The following SOX6 variants were observed in gnomAD, a reference collection of about 807,000 sequenced individuals.
SOX6 encodes the protein SRY-box transcription factor 6.
Under a neutral mutation model 97.8 loss-of-function variants are expected in SOX6, and 11 were observed. The observed-to-expected ratio is 0.11, with a 90% confidence interval of 0.07 to 0.19. The LOEUF (loss-of-function observed/expected upper bound fraction) is 0.19. Among genes scored for constraint, SOX6 ranks in the 10% least tolerant of loss-of-function variants. The pLI is 1.00. For missense variants in SOX6, 810 were observed against 1,039.5 expected, an observed-to-expected ratio of 0.78 and a Z score of 3.04; for synonymous variants, 360 against 371.4, an observed-to-expected ratio of 0.97 and a Z score of 0.35.
At chr11:16,334,659 C>T (rs1856405226) in intron 2 of SOX6, among the ~76,000 whole-genome samples, 1 of 152,018 alleles carries the variant, frequency 6.6e-6, no homozygotes, top group Non-Finnish European at 1.5e-5. Context: ...AACTCCTGAC[C>T]TCAAGTGATC....
intron 4 of SOX6, among the ~76,000 whole-genome samples, chr11:16,582,830 A>G (rs1051552780): frequency 1.3e-5 from 2 of 152,108 alleles, no homozygotes; most frequent in African/African-American, 4.8e-5. Context: ...AAAAAGTATG[A>G]AGATCAAATG....
intron 1 of SOX6, among the ~76,000 whole-genome samples, chr11:16,389,969 TAA>T (rs536056301): frequency 8.4e-4 from 35 of 41,848 alleles, no homozygotes; most frequent in Middle Eastern, 0.018. Flanking sequence ...GACTCCGTCT[TAA>T]AAAAAAAAAA....
intron 1 of SOX6, chr11:16,402,886 G>C (rs1428784272): frequency 6.6e-7 from 1 of 1,509,620 alleles, no homozygotes; most frequent in Non-Finnish European, 9.0e-7. Flanking sequence ...ACTCAGTTGG[G>C]CTGAATTCCA....
At chr11:16,426,713 G>A (rs1055548015) in intron 1 of SOX6, among the ~76,000 whole-genome samples, 7 of 151,672 alleles carry the variant, frequency 4.6e-5, no homozygotes, top group Non-Finnish European at 8.8e-5. Context: ...AGGAGATCGA[G>A]ACCATCCCGG....
At chr11:16,494,561 C>T (rs1342537252) in intron 4 of SOX6, among the ~76,000 whole-genome samples, 4 of 150,166 alleles carry the variant, frequency 2.7e-5, no homozygotes, top group African/African-American at 9.8e-5. Context: ...TGACTAGAGG[C>T]ATCTGGTAGG....
At chr11:16,683,095 A>T (rs1847941394) in intron 3 of SOX6, among the ~76,000 whole-genome samples, 1 of 152,258 alleles carries the variant, frequency 6.6e-6, no homozygotes, top group Non-Finnish European at 1.5e-5. Context: ...GGACACAAAC[A>T]AATGGAAGAA....
intron 3 of SOX6, among the ~76,000 whole-genome samples, chr11:16,276,622 C>T (rs188108037): frequency 1.4e-3 from 216 of 152,264 alleles, no homozygotes; most frequent in African/African-American, 4.7e-3. Context: ...GGGCCTGCTG[C>T]GACCATCTTA....
At chr11:16,251,990 T>TA (rs1467330822) in intron 3 of SOX6, among the ~76,000 whole-genome samples, 9 of 58,322 alleles carry the variant, frequency 1.5e-4, no homozygotes, top group South Asian at 5.2e-4. Context: ...TAATTTTCTT[T>TA]TAAAAAAAAA....
intron 1 of SOX6, chr11:16,465,591 C>A (rs920449307): frequency 6.6e-6 from 1 of 152,226 alleles, no homozygotes; most frequent in South Asian, 2.1e-4. Context: ...CTATATTCTG[C>A]CCAACACAGG....
At chr11:16,524,870 T>G (rs1240724598) in intron 4 of SOX6, among the ~76,000 whole-genome samples, 2 of 152,090 alleles carry the variant, frequency 1.3e-5, no homozygotes, top group African/African-American at 2.4e-5. Flanking sequence ...ATGAGTGAAC[T>G]CCCATTCACA....
intron 7 of SOX6, among the ~76,000 whole-genome samples, chr11:16,106,695 T>C (rs566449868): frequency 6.6e-6 from 1 of 152,188 alleles, no homozygotes; most frequent in South Asian, 2.1e-4. Context: ...AATGATTTCA[T>C]TGATATAACA....
At chr11:16,346,506 C>G (rs987071138) in intron 1 of SOX6, among the ~76,000 whole-genome samples, 1 of 152,000 alleles carries the variant, frequency 6.6e-6, no homozygotes, top group Non-Finnish European at 1.5e-5. Context: ...TCGGAAGGTG[C>G]TTACTAATTA....
At chr11:16,398,901 A>T (rs564863611) in intron 1 of SOX6, among the ~76,000 whole-genome samples, 7 of 151,276 alleles carry the variant, frequency 4.6e-5, no homozygotes, top group South Asian at 2.1e-4. Flanking sequence ...TATTTTTTTT[A>T]AATTGAAATT....
chr11:16,674,334 T>C (rs1382534621), intron 3 of SOX6, among the ~76,000 whole-genome samples: 1 of 152,196 alleles, frequency 6.6e-6, no homozygotes, highest in African/African-American at 2.4e-5. Flanking sequence ...AAAAAGCATT[T>C]GATAAGATTC....
At chr11:16,283,984 AAAT>A (rs1854657559) in intron 3 of SOX6, 1 of 369,990 alleles carries the variant, frequency 2.7e-6, no homozygotes, top group Non-Finnish European at 5.2e-6. Flanking sequence ...ATCAATATTT[AAAT>A]AATGTGTTTA....
chr11:16,701,431 A>G (rs920007420), intron 3 of SOX6, among the ~76,000 whole-genome samples: 1 of 152,162 alleles, frequency 6.6e-6, no homozygotes, highest in Non-Finnish European at 1.5e-5. Flanking sequence ...TTACTATTAC[A>G]CCTATTTAAT....
At chr11:16,152,303 TG>T (rs1212958454) in intron 6 of SOX6, among the ~76,000 whole-genome samples, 1 of 152,160 alleles carries the variant, frequency 6.6e-6, no homozygotes, top group Non-Finnish European at 1.5e-5. Context: ...TCATTTTCAA[TG>T]GTCAAAAGTC....
chr11:16,039,286 A>G (rs768531338), intron 12 of SOX6, among the ~76,000 whole-genome samples: 1 of 152,060 alleles, frequency 6.6e-6, no homozygotes, highest in Non-Finnish European at 1.5e-5. Flanking sequence ...GTACAACTGT[A>G]CTGTTTTGCT....
At chr11:16,392,702 G>A (rs955092640) in intron 1 of SOX6, among the ~76,000 whole-genome samples, 2 of 152,060 alleles carry the variant, frequency 1.3e-5, no homozygotes, top group African/African-American at 4.8e-5. Flanking sequence ...GATACATGGT[G>A]AAGTCTAAAG....
Sources: gnomAD v4.1 joint callset for allele counts (sites outside exome capture counted in the v4.1 genomes callset) on GRCh38, gnomAD v4.1.1 for gene constraint, MANE v1.5 for transcripts, NCBI Gene and HGNC (gene_info 2026-07-23, HGNC 2026-07-21) for gene names.